PRKAG2: variants seen among roughly 807,000 people sequenced by gnomAD.
PRKAG2 encodes protein kinase AMP-activated non-catalytic subunit gamma 2, also known as 5'-AMP-activated protein kinase subunit gamma-2.
PRKAG2 carries 26 observed loss-of-function variants against 69.6 expected under a neutral mutation model. The ratio of observed to expected loss-of-function variants is 0.37; its 90% CI spans 0.27 to 0.52. The LOEUF is 0.52. Ranked by LOEUF, PRKAG2 falls within the 20% of genes least tolerant of loss-of-function variation. The pLI is 0.90. For missense variants in PRKAG2, 557 were observed against 740.0 expected (o/e 0.75, Z 2.87); for synonymous variants, 293 against 285.0 (o/e 1.03, Z -0.28).
chr7:151,639,202 C>A (rs1006049140), intron 4 of PRKAG2, among the ~76,000 whole-genome samples: 1 of 152,188 alleles, frequency 6.6e-6, no homozygotes, highest in Non-Finnish European at 1.5e-5. Context: ...TCCTCTGGGT[C>A]TTGCCGTCTT....
At chr7:151,802,376 T>C (rs561920109) in intron 1 of PRKAG2, among the ~76,000 whole-genome samples, 20 of 152,138 alleles carry the variant, frequency 1.3e-4, no homozygotes, top group Middle Eastern at 3.4e-3. Context: ...CCAAAGTGAG[T>C]GGACTCTGAC....
At chr7:151,600,493 C>G (rs992477505) in intron 5 of PRKAG2, among the ~76,000 whole-genome samples, 66 of 152,190 alleles carry the variant, frequency 4.3e-4, no homozygotes, top group Non-Finnish European at 5.9e-5. Flanking sequence ...TATTTTCATT[C>G]TGACCTCTCT....
At chr7:151,871,837 T>C (rs562227576) in intron 1 of PRKAG2, among the ~76,000 whole-genome samples, 2 of 152,310 alleles carry the variant, frequency 1.3e-5, no homozygotes, top group East Asian at 3.9e-4. Context: ...GTTCTGTTTA[T>C]GATATGGGCT....
intron 11 of PRKAG2, among the ~76,000 whole-genome samples, chr7:151,566,390 C>T (rs1584946391): frequency 6.6e-6 from 1 of 152,178 alleles, no homozygotes; most frequent in East Asian, 1.9e-4. Context: ...ATCCTGAATT[C>T]TCCTTGGAGA....
chr7:151,825,827 C>G (rs969722833), intron 1 of PRKAG2, among the ~76,000 whole-genome samples: 2 of 152,182 alleles, frequency 1.3e-5, no homozygotes, highest in African/African-American at 4.8e-5. Context: ...CTGTGTGGCT[C>G]AGAGCTAGGT....
In PRKAG2 at chr7:151,826,086, G is replaced by A. The variant is rs117319864; in HGVS notation, c.115-39545C>T. ...AGAGTACCTTTTCCCCAGTTGGTAT[G>A]CAAAGCTGTGCACCCACCACCGCCC... On this transcript the variant is annotated intron_variant, in intron 1 of 15. Transcript: ENST00000287878. Among the ~76,000 whole-genome samples the A allele has an allele frequency of 1.7e-3, 255 of 152,152 alleles. 4 individuals carry two copies. In the East Asian group the frequency reaches 0.047, roughly 28 times the overall value.
chr7:151,729,199 G>A (rs1010717281), intron 3 of PRKAG2, among the ~76,000 whole-genome samples: 11 of 152,192 alleles, frequency 7.2e-5, no homozygotes, highest in East Asian at 5.8e-4. Context: ...CCAAATCCAC[G>A]GCTGGGAGTG....
rs552719623 is a variant in PRKAG2 at position 151,673,465 on chromosome 7, C to T, written c.684+1955G>A. On this transcript the variant is annotated intron_variant, in intron 4 of 15. Transcript: ENST00000287878. ...GGGCCGACTGTGCCACTCATTATCC[C>T]GGCGAAACCGCTCTCCCCCTTTACT... 4.6e-5 allele frequency among the ~76,000 whole-genome samples: 7 copies of T among 152,236 alleles called. No individual in the cohort carries two copies. In the South Asian group the frequency reaches 6.2e-4, roughly 14 times the overall value.
At chr7:151,823,908 G>A (rs2078850770) in intron 1 of PRKAG2, among the ~76,000 whole-genome samples, 1 of 152,190 alleles carries the variant, frequency 6.6e-6, no homozygotes, top group Non-Finnish European at 1.5e-5. Flanking sequence ...CTGAGAACTG[G>A]GTGATTGAAA....
intron 3 of PRKAG2, among the ~76,000 whole-genome samples, chr7:151,760,196 T>A (rs895926674): frequency 3.9e-5 from 6 of 152,200 alleles, no homozygotes; most frequent in African/African-American, 1.4e-4. Flanking sequence ...CCTGTCTCCA[T>A]CAGCCTGCTT....
chr7:151,724,404 C>T (rs1028802956), intron 3 of PRKAG2, among the ~76,000 whole-genome samples: 4 of 152,162 alleles, frequency 2.6e-5, no homozygotes, highest in African/African-American at 7.2e-5. Context: ...TCTGTCGGCC[C>T]TGCTGTCCCT....
Position 151,859,560 on chromosome 7 carries a change from C to A in PRKAG2, c.114+16947G>T, listed in dbSNP as rs565703118. Among the ~76,000 whole-genome samples the A allele has an allele frequency of 2.6e-5, 4 of 152,274 alleles. No individual in the cohort carries two copies. The East Asian group carries it at 5.8e-4, about 22-fold the overall frequency. Reference sequence around the variant, plus strand: ...GCGAATAGGGAAGACTTCCCAGGGGCGAGGACTGTGAGAGTGGAGGTGAGT... The same window carrying A: ...GCGAATAGGGAAGACTTCCCAGGGGAGAGGACTGTGAGAGTGGAGGTGAGT... On this transcript the variant is annotated intron_variant, in intron 1 of 15. Coordinates refer to ENST00000287878, the MANE Select transcript of PRKAG2 (RefSeq NM_016203.4).
rs368631452 is a variant in PRKAG2, at chr7:151,590,205, A to G, written c.864+5140T>C. Among the ~76,000 whole-genome samples, 103 of 152,356 alleles carry G rather than the reference A, an allele frequency of 6.8e-4. 1 individual carries two copies. The Middle Eastern group carries it at 0.031, about 45-fold the overall frequency. Reference sequence around the variant, plus strand: ...CCAGGACCAAAGGACTCAGTATGACAGCATTCTGTGAGTGCGCTGGGGCCT... The same window carrying G: ...CCAGGACCAAAGGACTCAGTATGACGGCATTCTGTGAGTGCGCTGGGGCCT... On this transcript the variant is annotated intron_variant, in intron 6 of 15. Coordinates refer to ENST00000287878, the MANE Select transcript of PRKAG2 (RefSeq NM_016203.4).
rs191473846 is a variant in PRKAG2, at chr7:151,719,532, C to T, written c.467-43895G>A. On this transcript the variant is annotated intron_variant, in intron 3 of 15. Transcript: ENST00000287878. The surrounding 1 kb of genome is among the most constrained non-coding windows in gnomAD (Gnocchi z 5.2). ...CTCGCTGTCCAATCTTCCCTGCCAC[C>T]GTGGCCGCAGGGGTCAGAAAGAAGA... 1.3e-5 allele frequency among the ~76,000 whole-genome samples: 2 copies of T among 152,262 alleles called. No individual in the cohort carries two copies. Among genetic ancestry groups the T allele is most frequent in the Non-Finnish European group, 2.9e-5 (2 of 68,026 alleles).
chr7:151,654,124 A>G (rs1829035792), intron 4 of PRKAG2, among the ~76,000 whole-genome samples: 1 of 152,130 alleles, frequency 6.6e-6, no homozygotes, highest in South Asian at 2.1e-4. Flanking sequence ...GGACAGACAA[A>G]CCCATCCTTT....
intron 14 of PRKAG2, 37 bp from the exon 15 acceptor site, chr7:151,560,654 T>C (rs1804736220): frequency 5.0e-6 from 8 of 1,612,844 alleles, no homozygotes; most frequent in Non-Finnish European, 5.9e-6. Context: ...AAAATTAACA[T>C]TTAAAAAAGG....
intron 1 of PRKAG2, among the ~76,000 whole-genome samples, chr7:151,839,390 C>T (rs137892150): frequency 6.6e-6 from 1 of 152,338 alleles, no homozygotes; most frequent in African/African-American, 2.4e-5. Flanking sequence ...CCCTGCCGTC[C>T]AGCCCTAACC....
At position 151,814,812 on chromosome 7, in the gene PRKAG2, TGACGG is replaced by T; in HGVS notation, c.115-28276_115-28272del. The T allele has an allele frequency of 1.3e-5, 16 of 1,231,796 alleles. No homozygotes were observed. Among genetic ancestry groups the T allele is most frequent in the Non-Finnish European group, 1.5e-5 (15 of 988,032 alleles). The allele number at this position is 1,231,796 out of a possible 1,614,324, so 76.3% of individuals were successfully genotyped here. ...GCAGAGCTCGGGCAGATTCCCCCAT[TGACGG>T]GACTGCAGCAAACTGTCATTCCCAC... On this transcript the variant is annotated intron_variant, in intron 1 of 15. Transcript: ENST00000287878. This position sits in a 1 kb window ranked among gnomAD's most constrained non-coding sequence, Gnocchi z 4.8.
chr7:151,673,188 GTC>G (rs1832346407), intron 4 of PRKAG2, among the ~76,000 whole-genome samples: 1 of 152,180 alleles, frequency 6.6e-6, no homozygotes, highest in African/African-American at 2.4e-5. Context: ...CTGCGTCTGT[GTC>G]TGTCACTATC....
Sources: allele counts gnomAD v4.1 joint callset (sites outside exome capture counted in the v4.1 genomes callset), GRCh38; gene constraint gnomAD v4.1.1; non-coding constraint Gnocchi (gnomAD v3.1); transcripts MANE v1.5; gene names NCBI Gene and HGNC (gene_info 2026-07-23, HGNC 2026-07-21).